PWWP3A: variants seen among roughly 807,000 people sequenced by gnomAD.
The protein encoded by PWWP3A is PWWP domain-containing DNA repair factor 3A.
Under a neutral mutation model 79.0 loss-of-function variants are expected in PWWP3A, and 53 were observed. That is an observed-to-expected ratio of 0.67 (90% CI 0.54 to 0.84). The LOEUF is 0.84. Among genes scored for constraint, PWWP3A ranks in the 40% least tolerant of loss-of-function variants. The pLI is 0.00. For synonymous variants in PWWP3A, 443 were observed against 394.4 expected, an observed-to-expected ratio of 1.12 and a Z score of -1.46; for missense variants, 973 against 948.0, an observed-to-expected ratio of 1.03 and a Z score of -0.35.
At chr19:1,361,074 T>A in intron 5 of PWWP3A, 42 bp downstream of exon 5, 1 of 1,385,278 alleles carries the variant, frequency 7.2e-7, no homozygotes, top group Non-Finnish European at 9.4e-7. Context: ...GAGGGTGGAG[T>A]CCTGCTCCTC....
chr19:1,376,084 C>T (rs1018723857), intron 13 of PWWP3A, among the ~76,000 whole-genome samples: 4 of 148,788 alleles, frequency 2.7e-5, no homozygotes, highest in African/African-American at 9.9e-5. Flanking sequence ...GCTGGGATTA[C>T]AGGCGTGAGC....
At chr19:1,375,537 T>TATATATATTATATATAAAATATA (rs1162661703) in intron 13 of PWWP3A, among the ~76,000 whole-genome samples, 2 of 96,216 alleles carry the variant, frequency 2.1e-5, no homozygotes, top group African/African-American at 9.7e-5. Context: ...ATTTATATAT[T>TATATATATTATATATAAAATATA]TTATATATAA....
chr19:1,364,418 T>G, intron 6 of PWWP3A, 91 bp from the exon 7 acceptor site: 2 of 904,496 alleles, frequency 2.2e-6, no homozygotes, highest in Non-Finnish European at 3.5e-6. Flanking sequence ...TCGTGCTAAC[T>G]GTGTTTTCTC....
chr19:1,367,603 G>A (rs1386672679), intron 9 of PWWP3A, among the ~76,000 whole-genome samples: 1 of 152,260 alleles, frequency 6.6e-6, no homozygotes, highest in African/African-American at 2.4e-5. Context: ...CCAGCCCCTT[G>A]CGGCCGGGGG....
Position 1,360,563 on chromosome 19 carries a change from A to G in PWWP3A, c.642A>G (p.Ala214=). 6.2e-7 allele frequency: 1 copy of G among 1,614,216 alleles called. No individual in the cohort carries two copies. Among genetic ancestry groups the G allele is most frequent in the Non-Finnish European group, 8.5e-7 (1 of 1,180,026 alleles). ...TCCACCACAAAAATTGGACTCTTGC[A>G]AGTAAGAGGGGAGGAAACTCAGCGC... The part of the protein sequence containing the change: ...SRIHHKNWTL[A]SKRGGNSAQK... Residue 214 remains alanine, a synonymous_variant, in exon 5 of 14, where the codon GCA becomes GCG. Coordinates refer to ENST00000591337, the MANE Select transcript of PWWP3A (RefSeq NM_001369789.1). This position sits in a 1 kb window ranked among gnomAD's most constrained non-coding sequence, Gnocchi z 4.4.
chr19:1,369,182 G>GTC lies in PWWP3A; in HGVS notation c.1423-82_1423-81dup, dbSNP rs1191296981. 3.1e-6 allele frequency: 4 copies of GTC among 1,308,772 alleles called. No individual in the cohort carries two copies. The highest frequency in any genetic ancestry group is 4.4e-6 in the Non-Finnish European group (4 of 913,868). 81.1% of individuals were successfully genotyped at this position (1,308,772 alleles called of 1,614,324 possible). The stretch of plus-strand genomic sequence containing the variant: ...CGTGAGCAGCCTGGACACCTGGCTG[G>GTC]TCCCTGGGCTCTGCGTGGCTTCTGA... On this transcript the variant is annotated intron_variant, in intron 9 of 13. Coordinates refer to ENST00000591337, the MANE Select transcript of PWWP3A (RefSeq NM_001369789.1). The surrounding 1 kb of genome is among the most constrained non-coding windows in gnomAD (Gnocchi z 4.0).
intron 8 of PWWP3A, among the ~76,000 whole-genome samples, chr19:1,366,795 TG>T (rs1406925581): frequency 6.6e-5 from 10 of 152,242 alleles, no homozygotes; most frequent in African/African-American, 2.4e-4. Flanking sequence ...CACACGTGGA[TG>T]GATCAGCCGG....
chr19:1,360,813 C>A lies in PWWP3A; in HGVS notation c.892C>A (p.Pro298Thr). Residue 298 changes from proline (P) to threonine (T), a missense_variant, in exon 5 of 14, where the codon CCT (proline) becomes ACT (threonine). Transcript: ENST00000591337. This position sits in a 1 kb window ranked among gnomAD's most constrained non-coding sequence, Gnocchi z 4.4. ...PSACSEPGEC[P>T]AKKRPRLDGS... ...GGCCTGCTCAGAGCCTGGAGAATGC[C>A]CTGCGAAAAAGAGGCCGCGCCTGGA... The A allele has an allele frequency of 6.3e-7, 1 of 1,584,202 alleles. No individual in the cohort carries two copies. The highest frequency in any genetic ancestry group is 1.9e-5 in the Admixed American group (1 of 53,912).
rs1162392400 is a variant in PWWP3A at position 1,360,624 on chromosome 19, T to A, written c.703T>A (p.Ser235Thr). 1.2e-6 allele frequency: 2 copies of A among 1,613,804 alleles called. No individual in the cohort carries two copies. The highest frequency in any genetic ancestry group is 1.7e-6 in the Non-Finnish European group (2 of 1,179,872). ...ASLCLNGSSL[S>T]EDDTERDMGS... Reference sequence around the variant, plus strand: ...CTTGTGCCTGAATGGATCTTCCCTTTCAGAGGACGACACGGAGAGAGACAT... The same window carrying A: ...CTTGTGCCTGAATGGATCTTCCCTTACAGAGGACGACACGGAGAGAGACAT... The change falls in exon 5 of 14, where the codon TCA (serine) becomes ACA (threonine). Residue 235 changes from serine (S) to threonine (T), a missense_variant. Transcript: ENST00000591337. This position sits in a 1 kb window ranked among gnomAD's most constrained non-coding sequence, Gnocchi z 4.4.
At chr19:1,375,810 A>AT (rs34880865) in intron 13 of PWWP3A, among the ~76,000 whole-genome samples, 85 of 22,290 alleles carry the variant, frequency 3.8e-3, no homozygotes, top group South Asian at 0.032. Context: ...GTATTTATTT[A>AT]TTTTTTTTTT....
chr19:1,366,344 C>T lies in PWWP3A; in HGVS notation c.1324C>T (p.Leu442=). The change falls in exon 8 of 14, where the codon CTA becomes TTA. Residue 442 remains leucine, a synonymous_variant. Transcript: ENST00000591337. ...GCAGAGAGATAAGAAAGCAAGTGTG[C>T]TATACATCGAAGGACACATGAACCC... The part of the protein sequence containing the change: ...VRQRDKKASV[L]YIEGHMNPKM... 6.2e-7 allele frequency: 1 copy of T among 1,614,222 alleles called. No homozygotes were observed.
At position 1,361,104 on chromosome 19, in the gene PWWP3A, AG is replaced by A. The variant is rs1168337711; in HGVS notation, c.1111+74del. 16 of 1,338,414 alleles carry A rather than the reference AG, an allele frequency of 1.2e-5. No individual in the cohort carries two copies. The African/African-American group carries it at 2.2e-4, about 18-fold the overall frequency. The allele number at this position is 1,338,414 out of a possible 1,614,324, so 82.9% of individuals were successfully genotyped here. ...CTCCTCCGCAGCCAGACTGGGAGCC[AG>A]GCACGTGGGTGTTTTTGACCAGATT... On this transcript the variant is annotated intron_variant, in intron 5 of 13. Coordinates refer to ENST00000591337, the MANE Select transcript of PWWP3A (RefSeq NM_001369789.1).
intron 7 of PWWP3A, among the ~76,000 whole-genome samples, chr19:1,365,884 G>C (rs1376849007): frequency 6.6e-6 from 1 of 152,242 alleles, no homozygotes; most frequent in East Asian, 1.9e-4. Context: ...GGGAGGCTGT[G>C]GGGAGGTGGC....
Position 1,360,968 on chromosome 19 carries a change from C to T in PWWP3A, c.1047C>T (p.Pro349=). 1 of 1,465,574 alleles carries T rather than the reference C, an allele frequency of 6.8e-7. No individual in the cohort carries two copies. Among genetic ancestry groups the T allele is most frequent in the South Asian group, 1.4e-5 (1 of 70,322 alleles). The allele number at this position is 1,465,574 out of a possible 1,614,324, so 90.8% of individuals were successfully genotyped here. A position where few individuals can be genotyped will look rare whatever the true frequency, so the allele number is the denominator to read the frequency against. Reference sequence around the variant, plus strand: ...GCACCGCCAGGCTGGGCCCGCCTCCCTCCCACGCCTCTGCGGATGCAACCA... The same window carrying T: ...GCACCGCCAGGCTGGGCCCGCCTCCTTCCCACGCCTCTGCGGATGCAACCA... ...PRSTARLGPP[P]SHASADATRC... Residue 349 remains proline (P), a synonymous_variant, in exon 5 of 14, where the codon CCC becomes CCT. Coordinates refer to ENST00000591337, the MANE Select transcript of PWWP3A (RefSeq NM_001369789.1). This position sits in a 1 kb window ranked among gnomAD's most constrained non-coding sequence, Gnocchi z 4.4.
rs2081994640 is a variant in PWWP3A at position 1,360,775 on chromosome 19, C to T, written c.854C>T (p.Ala285Val). The T allele has an allele frequency of 6.2e-7, 1 of 1,609,482 alleles. No individual in the cohort carries two copies. The highest frequency in any genetic ancestry group is 8.5e-7 in the Non-Finnish European group (1 of 1,178,078). The stretch of plus-strand genomic sequence containing the variant: ...TTGGGCAGCCTCACTGCGCCCCCAG[C>T]CCCTGAGCCCTCGGCCTGCTCAGAG... Reference protein sequence around the residue: ...LPLGSLTAPPAPEPSACSEPG... With the variant: ...LPLGSLTAPPVPEPSACSEPG... The change falls in exon 5 of 14, where the codon GCC becomes GTC. Residue 285 changes from alanine to valine, a missense_variant. By Grantham distance (64) the Ala-to-Val change is moderately conservative (BLOSUM62 0). Coordinates refer to ENST00000591337, the MANE Select transcript of PWWP3A (RefSeq NM_001369789.1). This position sits in a 1 kb window ranked among gnomAD's most constrained non-coding sequence, Gnocchi z 4.4.
At chr19:1,364,083 A>G in intron 6 of PWWP3A, 2 of 501,044 alleles carry the variant, frequency 4.0e-6, no homozygotes, top group Non-Finnish European at 8.0e-6. Flanking sequence ...TTAGAATCTC[A>G]GTCCTTGTGT....
intron 6 of PWWP3A, among the ~76,000 whole-genome samples, chr19:1,362,897 G>A (rs1303662298): frequency 1.3e-5 from 2 of 152,246 alleles, no homozygotes; most frequent in Admixed American, 6.5e-5. Flanking sequence ...CCAAAGATCT[G>A]AGCCAGCCGC....
At chr19:1,358,711 A>C (rs1277978265) in intron 4 of PWWP3A, 1 of 1,505,968 alleles carries the variant, frequency 6.6e-7, no homozygotes, top group Non-Finnish European at 8.9e-7. Flanking sequence ...GTGAGCATCA[A>C]GGTCATCTCG....
chr19:1,375,488 A>T (rs1349188649), intron 13 of PWWP3A, among the ~76,000 whole-genome samples: 2 of 76,018 alleles, frequency 2.6e-5, no homozygotes, highest in Admixed American at 1.7e-4. Flanking sequence ...ATATTATATA[A>T]AATATATAAA....
Sources: allele counts gnomAD v4.1 joint callset (sites outside exome capture counted in the v4.1 genomes callset), GRCh38; gene constraint gnomAD v4.1.1; non-coding constraint Gnocchi (gnomAD v3.1); transcripts MANE v1.5; gene names NCBI Gene and HGNC (gene_info 2026-07-23, HGNC 2026-07-21).